Variants in CFAP299 observed in about 807,000 individuals in gnomAD.
CFAP299 encodes cilia and flagella associated protein 299, also known as cilia- and flagella-associated protein 299.
CFAP299 carries 21 observed loss-of-function variants against 27.0 expected under a neutral mutation model. The ratio of observed to expected loss-of-function variants is 0.78; its 90% CI spans 0.55 to 1.12. The LOEUF is 1.12. CFAP299 is among the 50% of genes most tolerant of loss of function. The probability of loss-of-function intolerance (pLI) is 0.00; values close to 1 mark genes in which losing one functional copy is unlikely to be tolerated. For missense variants in CFAP299, 310 were observed against 276.6 expected (o/e 1.12, Z -0.86); for synonymous variants, 104 against 98.1 (o/e 1.06, Z -0.36).
chr4:80,470,295 T>A (rs1729930292), intron 2 of CFAP299, among the ~76,000 whole-genome samples: 1 of 152,134 alleles, frequency 6.6e-6, no homozygotes, highest in South Asian at 2.1e-4. Flanking sequence ...TACAAAATTT[T>A]GGTTGCCTAG....
At chr4:80,530,032 G>A (rs1733391348) in intron 2 of CFAP299, among the ~76,000 whole-genome samples, 1 of 152,206 alleles carries the variant, frequency 6.6e-6, no homozygotes, top group African/African-American at 2.4e-5. Context: ...TTAACACATT[G>A]AATTATTTTT....
chr4:80,840,133 GA>G (rs1730781510), intron 3 of CFAP299, among the ~76,000 whole-genome samples: 1 of 152,096 alleles, frequency 6.6e-6, no homozygotes, highest in South Asian at 2.1e-4. Flanking sequence ...ATCTTTTTAT[GA>G]AAAATATATG....
intron 2 of CFAP299, among the ~76,000 whole-genome samples, chr4:80,481,247 T>C (rs1730552333): frequency 1.3e-5 from 2 of 152,034 alleles, no homozygotes; most frequent in African/African-American, 2.4e-5. Context: ...AAGTTCCTAG[T>C]TGGTTGTTTC....
intron 4 of CFAP299, among the ~76,000 whole-genome samples, chr4:80,887,339 A>C (rs180949902): frequency 6.6e-6 from 1 of 152,298 alleles, no homozygotes; most frequent in Admixed American, 6.5e-5. Context: ...AGCAAGAGAG[A>C]AGAAACAAAC....
At chr4:80,513,560 C>T (rs76580039) in intron 2 of CFAP299, among the ~76,000 whole-genome samples, 1,795 of 152,130 alleles carry the variant, frequency 0.012, 34 homozygotes, top group African/African-American at 0.039. Flanking sequence ...GAGAAATGAA[C>T]GTTTGGAAGC....
intron 5 of CFAP299, among the ~76,000 whole-genome samples, chr4:80,950,087 A>G (rs967677624): frequency 1.3e-5 from 2 of 152,168 alleles, no homozygotes; most frequent in Non-Finnish European, 2.9e-5. Context: ...ATGTATATCT[A>G]TCTAGAAAAG....
At chr4:80,690,450 A>G (rs1249261097) in intron 3 of CFAP299, among the ~76,000 whole-genome samples, 1 of 152,220 alleles carries the variant, frequency 6.6e-6, no homozygotes, top group Non-Finnish European at 1.5e-5. Context: ...ACTACTGGGT[A>G]CATAACGAAA....
intron 2 of CFAP299, among the ~76,000 whole-genome samples, chr4:80,530,033 A>C (rs1340510180): frequency 6.6e-6 from 1 of 152,208 alleles, no homozygotes; most frequent in Non-Finnish European, 1.5e-5. Flanking sequence ...TAACACATTG[A>C]ATTATTTTTT....
chr4:80,619,216 A>G (rs1311062779), intron 3 of CFAP299, among the ~76,000 whole-genome samples: 1 of 152,116 alleles, frequency 6.6e-6, no homozygotes, highest in Non-Finnish European at 1.5e-5. Flanking sequence ...CCACTTTTAA[A>G]TTCAAACTTT....
chr4:80,416,932 C>T (rs560439252), intron 2 of CFAP299, among the ~76,000 whole-genome samples: 53 of 152,046 alleles, frequency 3.5e-4, no homozygotes, highest in Non-Finnish European at 7.1e-4. Context: ...AGGGTGAGTC[C>T]ATAGAGTAAA....
chr4:80,598,625 C>T (rs913017467), intron 3 of CFAP299, among the ~76,000 whole-genome samples: 39 of 152,118 alleles, frequency 2.6e-4, no homozygotes, highest in South Asian at 1.0e-3. Context: ...AGCTCTTTCT[C>T]CTTTATTCAG....
chr4:80,550,217 T>G (rs1416204541), intron 2 of CFAP299, among the ~76,000 whole-genome samples: 1 of 152,156 alleles, frequency 6.6e-6, no homozygotes, highest in African/African-American at 2.4e-5. Context: ...AATCATTTAT[T>G]GAGCTCAAAC....
At chr4:80,701,578 T>C (rs1721483718) in intron 3 of CFAP299, among the ~76,000 whole-genome samples, 1 of 152,012 alleles carries the variant, frequency 6.6e-6, no homozygotes, top group Admixed American at 6.6e-5. Flanking sequence ...AGGCATGAAA[T>C]CCAGTGAGAT....
chr4:80,751,502 A>C (rs561413850), intron 3 of CFAP299, among the ~76,000 whole-genome samples: 1 of 151,980 alleles, frequency 6.6e-6, no homozygotes, highest in Non-Finnish European at 1.5e-5. Flanking sequence ...CTAATCTTAG[A>C]GCCCCAGCCA....
chr4:80,891,608 A>G (rs1187637216), intron 4 of CFAP299, among the ~76,000 whole-genome samples: 1 of 70,092 alleles, frequency 1.4e-5, no homozygotes, highest in Non-Finnish European at 2.6e-5. Flanking sequence ...CACTCTGGGG[A>G]CTGTGGTGGG....
chr4:80,519,801 T>C (rs1344936211), intron 2 of CFAP299, among the ~76,000 whole-genome samples: 1 of 152,186 alleles, frequency 6.6e-6, no homozygotes, highest in Non-Finnish European at 1.5e-5. Flanking sequence ...CACTATCCTG[T>C]AACTGCCCTT....
At position 80,807,446 on chromosome 4, in the gene CFAP299, C is replaced by T. The variant is rs190114620; in HGVS notation, c.334-62547C>T. 8.7e-3 allele frequency among the ~76,000 whole-genome samples: 1,320 copies of T among 152,060 alleles called. 18 individuals carry two copies. Among genetic ancestry groups the T allele is most frequent in the African/African-American group, 0.03 (1,231 of 41,472 alleles). ...ATACCAAACACGTTTTAGATTATCA[C>T]AAAAAGGTACCAGAGAAAGGTCAGA... is the stretch of plus-strand genomic sequence containing the variant. On this transcript the variant is annotated intron_variant, in intron 3 of 5. Transcript: ENST00000358105.
intron 3 of CFAP299, among the ~76,000 whole-genome samples, chr4:80,629,496 T>C (rs1739094415): frequency 6.6e-6 from 1 of 152,124 alleles, no homozygotes; most frequent in Non-Finnish European, 1.5e-5. Flanking sequence ...GATAGCTATA[T>C]GAGGGAATAC....
chr4:80,665,793 G>T (rs185633570), intron 3 of CFAP299, among the ~76,000 whole-genome samples: 1 of 152,094 alleles, frequency 6.6e-6, no homozygotes, highest in African/African-American at 2.4e-5. Flanking sequence ...TTTCATGAAT[G>T]GTTCAGTACA....
Sources: allele counts gnomAD v4.1 joint callset (sites outside exome capture counted in the v4.1 genomes callset), GRCh38; gene constraint gnomAD v4.1.1; transcripts MANE v1.5; gene names NCBI Gene and HGNC (gene_info 2026-07-23, HGNC 2026-07-21).